Variants in BNC1 observed in about 807,000 individuals in gnomAD.
BNC1 encodes basonuclin zinc finger protein 1.
A neutral mutation model predicts 66.5 loss-of-function variants in BNC1; 8 were observed. The ratio of observed to expected loss-of-function variants is 0.12; its 90% confidence interval spans 0.07 to 0.22. BNC1 has a LOEUF of 0.22. BNC1 is among the 10% of genes least tolerant of loss of function. The pLI is 1.00. For synonymous variants in BNC1, 454 were observed against 452.6 expected, an observed-to-expected ratio of 1.00 and a Z score of -0.04; for missense variants, 1,069 against 1,241.3, an observed-to-expected ratio of 0.86 and a Z score of 2.09.
Position 83,263,811 on chromosome 15 carries a change from G to T in BNC1, c.1440C>A (p.Pro480=), listed in dbSNP as rs766627325. 1 of 1,614,138 alleles carries T rather than the reference G, an allele frequency of 6.2e-7. No individual in the cohort carries two copies. ...GGACTGGCTGGACTGTCTTTAGGTT[G>T]GGAAAAAGCACACCATTTTGCCCAA... ...PNIGQNGVLF[P]NLKTVQPVLP... is the part of the protein sequence containing the mutation. The change falls in exon 4 of 5, where the codon CCC becomes CCA. Residue 480 remains proline (P), a synonymous_variant. Transcript: ENST00000345382.
chr15:83,284,562 G>A lies in BNC1; in HGVS notation c.67C>T (p.Pro23Ser), dbSNP rs1263217686. 2.7e-6 allele frequency: 3 copies of A among 1,099,752 alleles called. No homozygotes were observed. The highest frequency in any genetic ancestry group is 3.3e-6 in the Non-Finnish European group (3 of 904,416). 68.1% of individuals were successfully genotyped at this position (1,099,752 alleles called of 1,614,324 possible). A position where few individuals can be genotyped will look rare whatever the true frequency, so the allele number is the denominator to read the frequency against. ...AARARETRRQ[P>S]RHRSGRRMAE... ...ATCCTGCGACCGCTGCGGTGCCGGG[G>A]CTGCCGGCGCGTCTCCCGGGCCCGG... Residue 23 changes from proline to serine, a missense_variant, in exon 1 of 5, where the codon CCC (proline) becomes TCC (serine). By Grantham distance (74) the Pro-to-Ser change is moderately conservative. This residue lies in a region of BNC1 where 78 missense variants were observed against 80.9 expected (regional missense o/e 0.96). Transcript: ENST00000345382.
rs771930737 is a variant in BNC1, at chr15:83,257,706, G to A, written c.2721C>T (p.Pro907=). 1.2e-6 allele frequency: 2 copies of A among 1,613,974 alleles called. No homozygotes were observed. The highest frequency in any genetic ancestry group is 1.7e-6 in the Non-Finnish European group (2 of 1,180,030). Residue 907 remains proline, a synonymous_variant, in exon 5 of 5, where the codon CCC becomes CCT. Coordinates refer to ENST00000345382, the MANE Select transcript of BNC1 (RefSeq NM_001717.4). ...CAGCCTTCTCCATCAGGACACAGATGGGGTACTCATCTTCCCCAGGGACAA... is the reference window on the plus strand; with the variant it reads ...CAGCCTTCTCCATCAGGACACAGATAGGGTACTCATCTTCCCCAGGGACAA... The part of the protein sequence containing the change: ...SSLVPGEDEY[P]ICVLMEKADQ...
rs745313602 is a variant in BNC1, at chr15:83,266,845, G to A, written c.426C>T (p.Tyr142=). The change falls in exon 3 of 5, where the codon TAC becomes TAT. Residue 142 remains tyrosine, a synonymous_variant. Coordinates refer to ENST00000345382, the MANE Select transcript of BNC1 (RefSeq NM_001717.4). ...DWTLQDYIRG[Y]VLQDASGKVL... Reference sequence around the variant, plus strand: ...TTCATGTTTACTGTACCTGCAGTACGTATCCACGGATATAATCCTGAAGTG... The same window carrying A: ...TTCATGTTTACTGTACCTGCAGTACATATCCACGGATATAATCCTGAAGTG... 1.2e-5 allele frequency: 19 copies of A among 1,613,202 alleles called. No individual in the cohort carries two copies. The highest frequency in any genetic ancestry group is 9.9e-5 in the South Asian group (9 of 91,064).
Position 83,283,077 on chromosome 15 carries a change from C to G in BNC1, c.99+1453G>C, listed in dbSNP as rs191091995. The G allele has an allele frequency of 1.5e-4, 226 of 1,523,182 alleles. No homozygotes were observed. In the East Asian group the frequency reaches 4.8e-3, roughly 32 times the overall value. 94.4% of individuals were successfully genotyped at this position (1,523,182 alleles called of 1,614,324 possible). A position where few individuals can be genotyped will look rare whatever the true frequency, so the allele number is the denominator to read the frequency against. ...CCGAGCGTCTGATGCCCCCCGCCCC[C>G]CAACCACACACAACTTCACTCACAC... On this transcript the variant is annotated intron_variant, in intron 1 of 4. Transcript: ENST00000345382.
At chr15:83,276,567 T>C (rs996792594) in intron 1 of BNC1, among the ~76,000 whole-genome samples, 8 of 152,218 alleles carry the variant, frequency 5.3e-5, no homozygotes, top group African/African-American at 1.9e-4. Context: ...TCAGGTGACT[T>C]AAGTACTGAC....
In BNC1 at chr15:83,277,842, A is replaced by G. The variant is rs568870785; in HGVS notation, c.99+6688T>C. ...CTGGTTTAGGAAACTGCATCATTCA[A>G]GGGTGGGAGTTAATTCTCTACCCCA... On this transcript the variant is annotated intron_variant, in intron 1 of 4. Transcript: ENST00000345382. Among the ~76,000 whole-genome samples the G allele has an allele frequency of 5.3e-5, 8 of 152,278 alleles. No homozygotes were observed. The East Asian group carries it at 1.5e-3, about 29-fold the overall frequency.
chr15:83,264,116 C>T lies in BNC1; in HGVS notation c.1135G>A (p.Val379Ile), dbSNP rs1415662180. 8 of 1,614,022 alleles carry T rather than the reference C, an allele frequency of 5.0e-6. No individual in the cohort carries two copies. Among genetic ancestry groups the T allele is most frequent in the East Asian group, 2.2e-5 (1 of 44,892 alleles). ...KGTLKIHYNA[V>I]HLKIKHKCTI... ...CACTTATGCTTGATCTTCAAGTGGA[C>T]GGCATTGTAGTGGATTTTGAGGGTG... Residue 379 changes from valine (V) to isoleucine (I), a missense_variant, in exon 4 of 5, where the codon GTC becomes ATC. By Grantham distance (29) the Val-to-Ile change is conservative. Coordinates refer to ENST00000345382, the MANE Select transcript of BNC1 (RefSeq NM_001717.4).
chr15:83,257,478 G>T lies in BNC1; in HGVS notation c.2949C>A (p.His983Gln). 6.2e-7 allele frequency: 1 copy of T among 1,614,144 alleles called. No homozygotes were observed. The highest frequency in any genetic ancestry group is 8.5e-7 in the Non-Finnish European group (1 of 1,180,002). ...GACTTGGAGATGAGGCCAGGCTTTT[G>T]TGCAGGTTGGGATTCTGGCTGTGTC... is the stretch of plus-strand genomic sequence containing the variant. ...RNRHSQNPNL[H>Q]KSLASSPSHL... The change falls in exon 5 of 5, where the codon CAC (histidine) becomes CAA (glutamine). Residue 983 changes from histidine to glutamine, a missense_variant. Around this residue, in one of 7 missense-constraint regions of BNC1, gnomAD observed 657 missense variants for 715.8 expected, o/e 0.92. Transcript: ENST00000345382.
At chr15:83,278,628 C>T (rs969446079) in intron 1 of BNC1, among the ~76,000 whole-genome samples, 3 of 152,100 alleles carry the variant, frequency 2.0e-5, no homozygotes, top group African/African-American at 7.2e-5. Context: ...GTAAAAAAAT[C>T]ATTGATGAGA....
At chr15:83,272,782 G>C (rs1332049861) in intron 1 of BNC1, among the ~76,000 whole-genome samples, 1 of 152,006 alleles carries the variant, frequency 6.6e-6, no homozygotes, top group East Asian at 1.9e-4. Context: ...CTTATTTTTT[G>C]CATCTCGTCA....
intron 1 of BNC1, among the ~76,000 whole-genome samples, chr15:83,277,812 C>T (rs779864845): frequency 2.0e-5 from 3 of 152,082 alleles, no homozygotes; most frequent in Non-Finnish European, 4.4e-5. Context: ...GCAGAGCTAG[C>T]CTTCCTGGTT....
chr15:83,283,494 G>A, intron 1 of BNC1: 1 of 985,344 alleles, frequency 1.0e-6, no homozygotes, highest in Non-Finnish European at 1.2e-6. Context: ...CGCGCTCGCA[G>A]GTCCCAAGGC....
At chr15:83,282,313 CA>C (rs758995829) in intron 1 of BNC1, among the ~76,000 whole-genome samples, 4 of 152,178 alleles carry the variant, frequency 2.6e-5, no homozygotes, top group Non-Finnish European at 5.9e-5. Context: ...AATTAGTTAG[CA>C]AACTTATTAG....
Position 83,263,852 on chromosome 15 carries a change from G to C in BNC1, c.1399C>G (p.Pro467Ala), listed in dbSNP as rs1356148518. Residue 467 changes from proline (P) to alanine (A), a missense_variant, in exon 4 of 5, where the codon CCA (proline) becomes GCA (alanine). Physicochemically the swap from Pro to Ala is conservative, Grantham distance 27. Coordinates refer to ENST00000345382, the MANE Select transcript of BNC1 (RefSeq NM_001717.4). ...TTTTGCCCAATGTTTGGGAAGGCTG[G>C]TTGGCCTTTGGAATCCTCTCCTGAA... The part of the protein sequence containing the change: ...PGSGEDSKGQ[P>A]AFPNIGQNGV... 1 of 1,614,206 alleles carries C rather than the reference G, an allele frequency of 6.2e-7. No homozygotes were observed. The highest frequency in any genetic ancestry group is 8.5e-7 in the Non-Finnish European group (1 of 1,180,042).
chr15:83,275,202 G>T (rs932900925), intron 1 of BNC1, among the ~76,000 whole-genome samples: 1 of 152,194 alleles, frequency 6.6e-6, no homozygotes, highest in African/African-American at 2.4e-5. Flanking sequence ...CAAGTGTTAT[G>T]AAAGAACTAA....
At position 83,279,272 on chromosome 15, in the gene BNC1, CTG is replaced by C. The variant is rs968608203; in HGVS notation, c.99+5256_99+5257del. ...GGTAGGAAATACAGATGAAATGAGACTGGCCCAAAGTTGGTAACTGTTGAATC... is the reference window on the plus strand; with the variant it reads ...GGTAGGAAATACAGATGAAATGAGACGCCCAAAGTTGGTAACTGTTGAATC... On this transcript the variant is annotated intron_variant, in intron 1 of 4. Transcript: ENST00000345382. 2.6e-4 allele frequency among the ~76,000 whole-genome samples: 39 copies of C among 152,222 alleles called. 1 individual carries two copies. The highest frequency in any genetic ancestry group is 2.4e-3 in the Admixed American group (36 of 15,298).
intron 1 of BNC1, among the ~76,000 whole-genome samples, chr15:83,272,488 C>T (rs1204549507): frequency 3.3e-5 from 5 of 151,726 alleles, no homozygotes; most frequent in South Asian, 4.2e-4. Context: ...CCACCTGCCT[C>T]GGCCTCCCAA....
chr15:83,266,712 G>A, intron 3 of BNC1, 124 bp downstream of exon 3: 1 of 850,918 alleles, frequency 1.2e-6, no homozygotes, highest in South Asian at 1.5e-5. Flanking sequence ...CATTAGAAAA[G>A]AAGTATTAAA....
chr15:83,270,170 C>A (rs763950731), intron 1 of BNC1, among the ~76,000 whole-genome samples: 1 of 152,136 alleles, frequency 6.6e-6, no homozygotes, highest in Admixed American at 6.5e-5. Flanking sequence ...ACAGCTTTAT[C>A]GAGATACAAT....
Sources: allele counts gnomAD v4.1 joint callset (sites outside exome capture counted in the v4.1 genomes callset), GRCh38; gene constraint gnomAD v4.1.1; regional missense constraint gnomAD v4.1.1; transcripts MANE v1.5; gene names NCBI Gene and HGNC (gene_info 2026-07-23, HGNC 2026-07-21).